The following RPS9 variants were observed in gnomAD, a reference collection of about 807,000 sequenced individuals.
RPS9 encodes the protein small ribosomal subunit protein uS4.
A neutral mutation model predicts 16.9 loss-of-function variants in RPS9; 1 was observed. The ratio of observed to expected loss-of-function variants is 0.06; its 90% confidence interval spans 0.02 to 0.28. RPS9 has a LOEUF of 0.28. Among genes scored for constraint, RPS9 ranks in the 10% least tolerant of loss-of-function variants. The pLI is 1.00. For synonymous variants in RPS9, 106 were observed against 110.9 expected (o/e 0.96, Z 0.28); for missense variants, 137 against 273.2 (o/e 0.50, Z 3.51).
intron 1 of RPS9, 106 bp from the exon 2 acceptor site, chr19:54,201,054 G>GT (rs2077025377): frequency 2.0e-6 from 3 of 1,505,248 alleles, no homozygotes; most frequent in Middle Eastern, 4.9e-4. Context: ...AGCGTTGGAG[G>GT]TTATTCTCGC....
chr19:54,202,184 C>T lies in RPS9; in HGVS notation c.220+575C>T, dbSNP rs117449284. Reference sequence around the variant, plus strand: ...CTACAGACAGGCGCACGCCACCACACCTGGCTAATTTTACTTTTGAGACGG... The same window carrying T: ...CTACAGACAGGCGCACGCCACCACATCTGGCTAATTTTACTTTTGAGACGG... On this transcript the variant is annotated intron_variant, in intron 3 of 4. Transcript: ENST00000302907. Among the ~76,000 whole-genome samples the T allele has an allele frequency of 6.7e-3, 1,015 of 152,070 alleles. 24 individuals are homozygous for T. In the East Asian group the frequency reaches 0.08, roughly 12 times the overall value.
chr19:54,203,610 G>GA (rs1371387745), intron 3 of RPS9, among the ~76,000 whole-genome samples: 2 of 151,972 alleles, frequency 1.3e-5, no homozygotes, highest in Non-Finnish European at 1.5e-5. Flanking sequence ...CCATCTCTAC[G>GA]AAAAATACAA....
chr19:54,205,360 C>T (rs2077203272), intron 3 of RPS9, among the ~76,000 whole-genome samples: 1 of 151,112 alleles, frequency 6.6e-6, no homozygotes, highest in South Asian at 2.1e-4. Flanking sequence ...AGTAGGGCAT[C>T]TGTTGGATAT....
intron 3 of RPS9, among the ~76,000 whole-genome samples, chr19:54,203,737 A>C (rs907887446): frequency 6.6e-6 from 1 of 151,788 alleles, no homozygotes; most frequent in East Asian, 1.9e-4. Context: ...GCGGCACTGC[A>C]CTGGGTGACA....
intron 3 of RPS9, among the ~76,000 whole-genome samples, chr19:54,203,739 T>C (rs2077142004): frequency 6.6e-6 from 1 of 151,590 alleles, no homozygotes; most frequent in Non-Finnish European, 1.5e-5. Flanking sequence ...GGCACTGCAC[T>C]GGGTGACAGC....
chr19:54,201,314 G>C (rs2304525), intron 2 of RPS9, 33 bp downstream of exon 2: 123,417 of 1,613,682 alleles, frequency 0.076, 5,124 homozygotes, highest in East Asian at 0.11. Context: ...AAGTGGTTCG[G>C]CTTCCGGGAG....
chr19:54,201,912 G>C, intron 3 of RPS9: 1 of 403,164 alleles, frequency 2.5e-6, no homozygotes, highest in Non-Finnish European at 4.4e-6. Flanking sequence ...TATGTGGCCT[G>C]TTTGCTAGTG....
At chr19:54,203,203 G>GC in intron 3 of RPS9, 12 of 934,624 alleles carry the variant, frequency 1.3e-5, no homozygotes, top group Non-Finnish European at 1.5e-5. Context: ...AGAAAGCGGT[G>GC]CAGGTGTCTG....
At chr19:54,205,517 ACTG>A (rs1214637117) in intron 3 of RPS9, among the ~76,000 whole-genome samples, 1 of 152,098 alleles carries the variant, frequency 6.6e-6, no homozygotes, top group African/African-American at 2.4e-5. Flanking sequence ...AGATGTAGAT[ACTG>A]CTATTTATGG....
At chr19:54,204,447 G>A (rs977439305) in intron 3 of RPS9, among the ~76,000 whole-genome samples, 1 of 152,026 alleles carries the variant, frequency 6.6e-6, no homozygotes, top group Non-Finnish European at 1.5e-5. Context: ...TTTGTCTCCC[G>A]GGCTGGAGCA....
chr19:54,205,618 C>T (rs576792043), intron 3 of RPS9, among the ~76,000 whole-genome samples: 87 of 152,098 alleles, frequency 5.7e-4, no homozygotes, highest in African/African-American at 2.0e-3. Context: ...TGCTTTGTTA[C>T]GGTGGTAGTA....
At chr19:54,202,726 T>G in intron 3 of RPS9, 4 of 985,400 alleles carry the variant, frequency 4.1e-6, no homozygotes, top group Non-Finnish European at 4.8e-6. Flanking sequence ...TAGTCATGAT[T>G]TATGGTGAAA....
Position 54,206,557 on chromosome 19 carries a change from C to T in RPS9, c.407+95C>T, listed in dbSNP as rs766743605. 19 of 1,567,416 alleles carry T rather than the reference C, an allele frequency of 1.2e-5. No individual in the cohort carries two copies. The East Asian group carries it at 1.4e-4, about 12-fold the overall frequency. ...CTGTCCCTATCTCCTATGCAGCCCT[C>T]GGAGGTGATGGGTGTGAACTCACCC... On this transcript the variant is annotated intron_variant, in intron 4 of 4. Coordinates refer to ENST00000302907, the MANE Select transcript of RPS9 (RefSeq NM_001013.4).
intron 3 of RPS9, chr19:54,203,459 G>T: frequency 3.5e-6 from 1 of 283,042 alleles, no homozygotes; most frequent in Non-Finnish European, 5.3e-6. Flanking sequence ...ACATTTGGCT[G>T]GCAGTTAATA....
Position 54,207,385 on chromosome 19 carries a change from T to G in RPS9, c.408-13T>G, listed in dbSNP as rs776918300. 1.9e-6 allele frequency: 3 copies of G among 1,600,456 alleles called. No homozygotes were observed. In the South Asian group the frequency reaches 3.3e-5, roughly 18 times the overall value. On this transcript the variant is annotated splice_polypyrimidine_tract_variant and intron_variant, in intron 4 of 4. Coordinates refer to ENST00000302907, the MANE Select transcript of RPS9 (RefSeq NM_001013.4). ...TTCTCCTCCAGTCCACCTCACCTTG[T>G]CGCTGCTTCCAGGGTCCGCAAGCAG... is the stretch of plus-strand genomic sequence containing the variant.
chr19:54,204,356 ACT>A (rs896954772), intron 3 of RPS9, among the ~76,000 whole-genome samples: 10 of 152,276 alleles, frequency 6.6e-5, no homozygotes, highest in Admixed American at 3.3e-4. Flanking sequence ...CGAGAGCGAA[ACT>A]CTGTCTCAAA....
intron 3 of RPS9, 122 bp from the exon 4 acceptor site, chr19:54,206,154 G>A: frequency 1.1e-6 from 1 of 917,342 alleles, no homozygotes; most frequent in Non-Finnish European, 1.6e-6. Context: ...TCACGGTGAT[G>A]GCGCTGTACT....
At chr19:54,206,484 T>A (rs2077245731) in intron 4 of RPS9, 22 bp downstream of exon 4, 1 of 1,613,448 alleles carries the variant, frequency 6.2e-7, no homozygotes, top group Non-Finnish European at 8.5e-7. Context: ...GATGGGCACC[T>A]GAATCTTCCT....
intron 3 of RPS9, chr19:54,202,598 A>G: frequency 3.0e-6 from 3 of 985,246 alleles, no homozygotes; most frequent in Non-Finnish European, 3.6e-6. Context: ...CATCTTAACC[A>G]TCTTGTTTTA....
Sources: allele counts gnomAD v4.1 joint callset (sites outside exome capture counted in the v4.1 genomes callset), GRCh38; gene constraint gnomAD v4.1.1; transcripts MANE v1.5; gene names NCBI Gene and HGNC (gene_info 2026-07-23, HGNC 2026-07-21).